Variants in PPP6R2 observed in about 807,000 individuals in gnomAD.
PPP6R2 encodes the protein protein phosphatase 6 regulatory subunit 2.
Under a neutral mutation model 100.2 loss-of-function variants are expected in PPP6R2, and 62 were observed. That is an observed-to-expected ratio of 0.62 (90% CI 0.50 to 0.76). PPP6R2 has a LOEUF of 0.76. Among genes scored for constraint, PPP6R2 ranks in the 30% least tolerant of loss-of-function variants. The pLI is 0.00. For missense variants in PPP6R2, 1,142 were observed against 1,276.3 expected, an observed-to-expected ratio of 0.89 and a Z score of 1.60; for synonymous variants, 525 against 514.7, an observed-to-expected ratio of 1.02 and a Z score of -0.27.
At chr22:50,441,537 CCG>C (rs1294813104) in intron 22 of PPP6R2, among the ~76,000 whole-genome samples, 2 of 152,188 alleles carry the variant, frequency 1.3e-5, no homozygotes, top group Non-Finnish European at 2.9e-5. Context: ...GCCTATGATT[CCG>C]AGACGCCTCA....
chr22:50,421,245 T>A (rs1469261051), intron 8 of PPP6R2, among the ~76,000 whole-genome samples: 1 of 152,256 alleles, frequency 6.6e-6, no homozygotes, highest in East Asian at 1.9e-4. Flanking sequence ...GCTGAGCCAC[T>A]TCTGAGGCCC....
chr22:50,376,113 C>T (rs1158846340), intron 2 of PPP6R2, among the ~76,000 whole-genome samples: 1 of 151,822 alleles, frequency 6.6e-6, no homozygotes, highest in Non-Finnish European at 1.5e-5. Flanking sequence ...ATTAATAGTA[C>T]ACAGACAAAA....
chr22:50,389,846 C>T (rs140284135), intron 2 of PPP6R2, among the ~76,000 whole-genome samples: 7 of 151,868 alleles, frequency 4.6e-5, no homozygotes, highest in Non-Finnish European at 8.8e-5. Context: ...GCCTTGGCCC[C>T]GCAAAATGCT....
chr22:50,350,264 CTTGTTG>C (rs1555958893), intron 1 of PPP6R2, among the ~76,000 whole-genome samples: 9 of 151,884 alleles, frequency 5.9e-5, no homozygotes, highest in Non-Finnish European at 7.4e-5. Flanking sequence ...AAGTTTCCCT[CTTGTTG>C]CCCTGGCTGG....
the PPP6R2 span, among the ~76,000 whole-genome samples, chr22:50,334,151 A>G: frequency 6.6e-6 from 1 of 152,278 alleles, no homozygotes; most frequent in Non-Finnish European, 1.5e-5. Flanking sequence ...AGAGACGTTT[A>G]GGCCTCCGGA....
chr22:50,335,295 C>T, the PPP6R2 span, among the ~76,000 whole-genome samples: 1 of 150,390 alleles, frequency 6.6e-6, no homozygotes, highest in African/African-American at 2.4e-5. Flanking sequence ...GATCTCCTCA[C>T]CTGGTGATCC....
chr22:50,359,052 T>G (rs887025829), intron 1 of PPP6R2, among the ~76,000 whole-genome samples: 2 of 124,242 alleles, frequency 1.6e-5, no homozygotes, highest in African/African-American at 5.9e-5. Context: ...CAGGCTGGAG[T>G]TCAGTGGCGC....
At chr22:50,366,239 G>A (rs922045135) in intron 1 of PPP6R2, among the ~76,000 whole-genome samples, 2 of 151,828 alleles carry the variant, frequency 1.3e-5, no homozygotes, top group Non-Finnish European at 2.9e-5. Context: ...AAAGCCTTGT[G>A]AATTACAAGG....
rs191984060 is a variant in PPP6R2, at chr22:50,394,148, G to C, written c.227+13G>C. On this transcript the variant is annotated intron_variant, in intron 3 of 23. Coordinates refer to ENST00000612753, the MANE Select transcript of PPP6R2 (RefSeq NM_001242898.2). The stretch of plus-strand genomic sequence containing the variant: ...AGGTCCGCTTCAAGTATGTACCAAA[G>C]CTGTGACGGGCCAGTACGCCAGGCA... The C allele has an allele frequency of 5.0e-6, 8 of 1,612,084 alleles. No homozygotes were observed. Among genetic ancestry groups the C allele is most frequent in the Non-Finnish European group, 6.8e-6 (8 of 1,178,646 alleles).
In PPP6R2 at chr22:50,431,501, A is replaced by T. The variant is rs960529768; in HGVS notation, c.1335+119A>T. 3.3e-6 allele frequency: 3 copies of T among 899,302 alleles called. No homozygotes were observed. Among genetic ancestry groups the T allele is most frequent in the African/African-American group, 1.7e-5 (1 of 59,956 alleles). The allele number at this position is 899,302 out of a possible 1,614,324, so 55.7% of individuals were successfully genotyped here. The stretch of plus-strand genomic sequence containing the variant: ...CAGCTGACACGGGGGCAGGGCTTTG[A>T]AAAGGGTCCCCAGGTGTCTGGTCAG... On this transcript the variant is annotated intron_variant, in intron 11 of 23. Transcript: ENST00000612753. The surrounding 1 kb of genome is among the most constrained non-coding windows in gnomAD (Gnocchi z 4.8).
chr22:50,388,252 G>C (rs1398801215), intron 2 of PPP6R2, among the ~76,000 whole-genome samples: 1 of 151,914 alleles, frequency 6.6e-6, no homozygotes, highest in Non-Finnish European at 1.5e-5. Flanking sequence ...AAATTAGCTG[G>C]GTGTGGTGGC....
rs185773911 is a variant in PPP6R2, at chr22:50,369,484, C to T, written c.-147-2536C>T. 4.6e-5 allele frequency among the ~76,000 whole-genome samples: 7 copies of T among 152,104 alleles called. No homozygotes were observed. In the East Asian group the frequency reaches 1.2e-3, roughly 25 times the overall value. On this transcript the variant is annotated intron_variant, in intron 1 of 23. Coordinates refer to ENST00000612753, the MANE Select transcript of PPP6R2 (RefSeq NM_001242898.2). ...TTAGAGATGGGGTCTCACTCTGTTA[C>T]CCAAGCTGCAGTACAGTAGTGTGAT...
upstream of PPP6R2, among the ~76,000 whole-genome samples, chr22:50,339,134 G>T (rs1403357538): frequency 6.8e-6 from 1 of 146,620 alleles, no homozygotes; most frequent in African/African-American, 2.5e-5. Context: ...TATGTAGTGT[G>T]TGTGGTTTGT....
intron 1 of PPP6R2, among the ~76,000 whole-genome samples, chr22:50,346,483 A>T (rs1375044174): frequency 2.3e-5 from 1 of 44,342 alleles, no homozygotes; most frequent in Non-Finnish European, 4.2e-5. Context: ...GGCCCCCTCC[A>T]GTCAGTTCCC....
chr22:50,435,725 C>T (rs745591710), intron 13 of PPP6R2, among the ~76,000 whole-genome samples: 10 of 152,138 alleles, frequency 6.6e-5, no homozygotes, highest in Non-Finnish European at 1.2e-4. Context: ...TCAGGCCTGC[C>T]GGCTGCCATC....
chr22:50,355,743 G>C (rs957819349), intron 1 of PPP6R2, among the ~76,000 whole-genome samples: 4 of 144,694 alleles, frequency 2.8e-5, no homozygotes, highest in Non-Finnish European at 6.0e-5. Flanking sequence ...GGATGGTCTC[G>C]ATCTCCTTAC....
intron 4 of PPP6R2, among the ~76,000 whole-genome samples, chr22:50,411,501 C>T (rs1185878876): frequency 6.6e-6 from 1 of 152,038 alleles, no homozygotes; most frequent in African/African-American, 2.4e-5. Flanking sequence ...ACCTGTAATC[C>T]CAGCATTTTG....
At chr22:50,342,568 C>T (rs1220979958), upstream of PPP6R2, among the ~76,000 whole-genome samples, 1 of 152,224 alleles carries the variant, frequency 6.6e-6, no homozygotes. Flanking sequence ...TCGCAGAGAG[C>T]ATCGGTGAAT....
chr22:50,366,607 C>G (rs1569302070), intron 1 of PPP6R2, among the ~76,000 whole-genome samples: 1 of 152,192 alleles, frequency 6.6e-6, no homozygotes, highest in South Asian at 2.1e-4. Context: ...CCCGGCCCCT[C>G]TCATCTTTTT....
Sources: allele counts gnomAD v4.1 joint callset (sites outside exome capture counted in the v4.1 genomes callset), GRCh38; gene constraint gnomAD v4.1.1; non-coding constraint Gnocchi (gnomAD v3.1); transcripts MANE v1.5; gene names NCBI Gene and HGNC (gene_info 2026-07-23, HGNC 2026-07-21).